The following NCOR1 variants were observed in gnomAD, a reference collection of about 807,000 sequenced individuals.
NCOR1 encodes protein phosphatase 1, regulatory subunit 109.
NCOR1 carries 63 observed loss-of-function variants against 288.1 expected under a neutral mutation model. That is an observed-to-expected ratio of 0.22 (90% CI 0.18 to 0.27). The LOEUF is 0.27. Among genes scored for constraint, NCOR1 ranks in the 10% least tolerant of loss-of-function variants. The pLI is 1.00. For synonymous variants in NCOR1, 1,007 were observed against 1,065.9 expected (o/e 0.94, Z 1.08); for missense variants, 2,397 against 3,019.2 (o/e 0.79, Z 4.83).
intron 40 of NCOR1, among the ~76,000 whole-genome samples, chr17:16,055,122 C>A (rs781704287): frequency 4.4e-4 from 67 of 152,280 alleles, no homozygotes; most frequent in Non-Finnish European, 7.8e-4. Context: ...GTGGAAATTC[C>A]TCAAAGACCT....
intron 15 of NCOR1, among the ~76,000 whole-genome samples, chr17:16,122,809 G>T (rs1382141487): frequency 6.6e-6 from 1 of 152,092 alleles, no homozygotes; most frequent in Non-Finnish European, 1.5e-5. Context: ...GTTAATTTTT[G>T]TATTTTTTGC....
intron 1 of NCOR1, among the ~76,000 whole-genome samples, chr17:16,199,833 T>C (rs2090519440): frequency 2.0e-5 from 3 of 152,226 alleles, no homozygotes; most frequent in Admixed American, 1.3e-4. Context: ...TATAATGTTT[T>C]AGGATGGGAA....
chr17:16,079,592 A>G (rs2063079403), intron 26 of NCOR1, among the ~76,000 whole-genome samples: 1 of 152,206 alleles, frequency 6.6e-6, no homozygotes, highest in Non-Finnish European at 1.5e-5. Context: ...AGATTCTACA[A>G]CTACATCTCC....
chr17:16,155,584 T>G (rs956421956), intron 6 of NCOR1, among the ~76,000 whole-genome samples: 1 of 152,176 alleles, frequency 6.6e-6, no homozygotes, highest in African/African-American at 2.4e-5. Context: ...TTAACTATGA[T>G]GCAAGTCAAC....
chr17:16,143,756 T>C, intron 10 of NCOR1, 60 bp from the exon 11 acceptor site: 1 of 1,220,286 alleles, frequency 8.2e-7, no homozygotes, highest in Non-Finnish European at 1.2e-6. Context: ...ACATATCAAT[T>C]AAATTAACTA....
intron 18 of NCOR1, among the ~76,000 whole-genome samples, chr17:16,114,164 A>AAC: frequency 6.6e-6 from 1 of 151,014 alleles, no homozygotes; most frequent in African/African-American, 2.4e-5. Context: ...AAAAAAAAAA[A>AAC]AAAAACTTGT....
In NCOR1 at chr17:16,209,807, C is replaced by T. The variant is rs58500669; in HGVS notation, c.-71+5555G>A. 5.0e-3 allele frequency among the ~76,000 whole-genome samples: 766 copies of T among 151,988 alleles called. 8 individuals carry two copies. The highest frequency in any genetic ancestry group is 0.017 in the African/African-American group (718 of 41,478). On this transcript the variant is annotated intron_variant, in intron 1 of 45. Coordinates refer to ENST00000268712, the MANE Select transcript of NCOR1 (RefSeq NM_006311.4). ...TCTCTACTAAAAACACAAAAATTAG[C>T]GGGGCATGGTGGCATATGCCTGTAA...
intron 3 of NCOR1, among the ~76,000 whole-genome samples, chr17:16,174,054 G>C (rs934416588): frequency 6.6e-6 from 1 of 152,094 alleles, no homozygotes; most frequent in African/African-American, 2.4e-5. Context: ...AGAAATAAAA[G>C]ACTTAATACA....
intron 14 of NCOR1, among the ~76,000 whole-genome samples, chr17:16,127,098 GGTGT>G (rs746536852): frequency 9.1e-6 from 1 of 109,612 alleles, no homozygotes; most frequent in Non-Finnish European, 2.0e-5. Flanking sequence ...GTTTATCATA[GGTGT>G]GTGTGTGTAT....
intron 14 of NCOR1, 69 bp from the exon 15 acceptor site, chr17:16,126,275 T>G (rs2074024322): frequency 6.4e-6 from 9 of 1,409,804 alleles, no homozygotes; most frequent in Non-Finnish European, 8.4e-6. Flanking sequence ...GTGTGATAAA[T>G]TATGTCTATC....
At chr17:16,105,249 C>T (rs148809337) in intron 19 of NCOR1, among the ~76,000 whole-genome samples, 1 of 152,068 alleles carries the variant, frequency 6.6e-6, no homozygotes, top group Non-Finnish European at 1.5e-5. Context: ...CTTGTCTCTA[C>T]ACAAAATAAA....
intron 42 of NCOR1, among the ~76,000 whole-genome samples, chr17:16,041,868 C>G (rs145923295): frequency 0.083 from 12,626 of 151,904 alleles, 605 homozygotes; most frequent in East Asian, 0.18. Context: ...CCCCGAGTGG[C>G]TGGGACTACA....
chr17:16,199,214 A>ACACACAC lies in NCOR1; in HGVS notation c.-70-4576_-70-4575insGTGTGTG, dbSNP rs1555813515. ...CGCCCAATACAGAAGGAAAAAAAAA[A>ACACACAC]AAACACACACACACACACACACACA... On this transcript the variant is annotated intron_variant, in intron 1 of 45. Transcript: ENST00000268712. Among the ~76,000 whole-genome samples, 771 of 111,760 alleles carry ACACACAC rather than the reference A, an allele frequency of 6.9e-3. 4 individuals are homozygous for ACACACAC. Among genetic ancestry groups the ACACACAC allele is most frequent in the African/African-American group, 0.023 (685 of 29,152 alleles). The allele number at this position is 111,760 out of a possible 152,430, so 73.3% of individuals were successfully genotyped here.
At chr17:16,160,033 T>C (rs1024120519) in intron 5 of NCOR1, among the ~76,000 whole-genome samples, 7 of 152,090 alleles carry the variant, frequency 4.6e-5, no homozygotes, top group Non-Finnish European at 1.0e-4. Context: ...GGATTCACCA[T>C]GTTGGTCAGG....
At chr17:16,116,045 G>A (rs2071498566) in intron 18 of NCOR1, among the ~76,000 whole-genome samples, 1 of 152,196 alleles carries the variant, frequency 6.6e-6, no homozygotes, top group African/African-American at 2.4e-5. Flanking sequence ...AAGCAAGGAG[G>A]AGCAAGTAAC....
chr17:16,039,736 G>A (rs773362226), intron 43 of NCOR1, 82 bp from the exon 44 acceptor site: 63 of 1,233,682 alleles, frequency 5.1e-5, no homozygotes, highest in Non-Finnish European at 6.6e-5. Context: ...TCAGCCCACT[G>A]AATACACACA....
chr17:16,094,709 C>T (rs559847994), intron 21 of NCOR1, among the ~76,000 whole-genome samples: 97 of 152,264 alleles, frequency 6.4e-4, no homozygotes, highest in South Asian at 2.7e-3. Flanking sequence ...CGATTGCAGG[C>T]GCGCGCCGCC....
rs1368089058 is a variant in NCOR1 at position 16,143,703 on chromosome 17, A to G, written c.1083-7T>C. 2.5e-6 allele frequency: 4 copies of G among 1,597,114 alleles called. No individual in the cohort carries two copies. Among genetic ancestry groups the G allele is most frequent in the Non-Finnish European group, 3.4e-6 (4 of 1,167,074 alleles). ...AGCTCCCCTCTGCCCAACTCTAAACATGAGGGAGAAATTAAAAATATATTT... is the reference window on the plus strand; with the variant it reads ...AGCTCCCCTCTGCCCAACTCTAAACGTGAGGGAGAAATTAAAAATATATTT... On this transcript the variant is annotated splice_region_variant and splice_polypyrimidine_tract_variant and intron_variant, in intron 10 of 45. Transcript: ENST00000268712.
intron 29 of NCOR1, 82 bp from the exon 30 acceptor site, chr17:16,071,747 T>C (rs1306682184): frequency 7.8e-7 from 1 of 1,280,840 alleles, no homozygotes; most frequent in African/African-American, 1.5e-5. Flanking sequence ...TAAAAATGGT[T>C]AAAATGGTAA....
Sources: gnomAD v4.1 joint callset for allele counts (sites outside exome capture counted in the v4.1 genomes callset) on GRCh38, gnomAD v4.1.1 for gene constraint, MANE v1.5 for transcripts, NCBI Gene and HGNC (gene_info 2026-07-23, HGNC 2026-07-21) for gene names.